DPP8: variants seen among roughly 807,000 people sequenced by gnomAD.
The protein encoded by DPP8 is DPP VIII.
Under a neutral mutation model 107.5 loss-of-function variants are expected in DPP8, and 31 were observed. The ratio of observed to expected loss-of-function variants is 0.29; its 90% CI spans 0.22 to 0.39. The LOEUF is 0.39. DPP8 is among the 10% of genes least tolerant of loss of function. DPP8 has a pLI of 1.00. For missense variants in DPP8, 842 were observed against 1,076.1 expected, an observed-to-expected ratio of 0.78 and a Z score of 3.04; for synonymous variants, 381 against 356.6, an observed-to-expected ratio of 1.07 and a Z score of -0.77.
chr15:65,447,107 G>A (rs1017130905), intron 19 of DPP8, 101 bp from the exon 20 acceptor site: 16 of 834,908 alleles, frequency 1.9e-5, no homozygotes, highest in South Asian at 5.7e-5. Flanking sequence ...TTAATAATAC[G>A]AAGCACAGCC....
chr15:65,499,105 G>GTGTC (rs1555468189), intron 4 of DPP8, among the ~76,000 whole-genome samples: 2 of 138,742 alleles, frequency 1.4e-5, no homozygotes, highest in African/African-American at 5.3e-5. Flanking sequence ...GTGTGTGTGT[G>GTGTC]TATATATAAA....
At chr15:65,493,608 T>G (rs2140929277) in intron 5 of DPP8, among the ~76,000 whole-genome samples, 1 of 152,250 alleles carries the variant, frequency 6.6e-6, no homozygotes, top group East Asian at 1.9e-4. Flanking sequence ...TAAGCTCAGT[T>G]TTCAAAGTGT....
In DPP8 at chr15:65,497,869, T is replaced by C. The variant is rs1340288752; in HGVS notation, c.710A>G (p.His237Arg). 2.0e-6 allele frequency: 3 copies of C among 1,522,756 alleles called. No homozygotes were observed. The highest frequency in any genetic ancestry group is 2.7e-6 in the Non-Finnish European group (3 of 1,124,924). 94.3% of individuals were successfully genotyped at this position (1,522,756 alleles called of 1,614,324 possible). A position where few individuals can be genotyped will look rare whatever the true frequency, so the allele number is the denominator to read the frequency against. ...TREERRLTYV[H>R]NELANMEEDA... is the part of the protein sequence containing the mutation. ...TCTGAAGAACTACGCCTTACCATTG[T>C]GCACATAAGTGAGTCTCCTTTCTTC... Residue 237 changes from histidine (H) to arginine (R), a missense_variant, in exon 5 of 20, where the codon CAC becomes CGC. By Grantham distance (29) the His-to-Arg change is conservative. Transcript: ENST00000300141.
At position 65,451,020 on chromosome 15, in the gene DPP8, A is replaced by G. The variant is rs751334174; in HGVS notation, c.2505T>C (p.Ala835=). ...TCACCTGTAAATCATATGGCTTTCCAGCCCTCACTAAAAAACTCAGTAATA... is the reference window on the plus strand; with the variant it reads ...TCACCTGTAAATCATATGGCTTTCCGGCCCTCACTAAAAAACTCAGTAATA... ...TSILLSFLVR[A]GKPYDLQIYP... The change falls in exon 19 of 20, where the codon GCT becomes GCC. Residue 835 remains alanine (A), a synonymous_variant. Coordinates refer to ENST00000300141, the MANE Select transcript of DPP8 (RefSeq NM_130434.5). 3 of 1,602,288 alleles carry G rather than the reference A, an allele frequency of 1.9e-6. No individual in the cohort carries two copies. The highest frequency in any genetic ancestry group is 4.5e-5 in the East Asian group (2 of 44,734).
Position 65,454,297 on chromosome 15 carries a change from A to G in DPP8, c.2237T>C (p.Leu746Pro). 1 of 1,576,026 alleles carries G rather than the reference A, an allele frequency of 6.3e-7. No individual in the cohort carries two copies. The highest frequency in any genetic ancestry group is 8.6e-7 in the Non-Finnish European group (1 of 1,167,768). The change falls in exon 17 of 20, where the codon CTG (leucine) becomes CCG (proline). Residue 746 changes from leucine to proline, a missense_variant. Leu to Pro is a moderately conservative substitution (Grantham distance 98). Around this residue, in one of 2 missense-constraint regions of DPP8, gnomAD observed 179 missense variants for 318.0 expected, o/e 0.56. Transcript: ENST00000300141. ...ATCTGACCTCTGCATTAATGCCATC[A>G]GGGAGAGGTATCCTCCATAGGACCA... is the stretch of plus-strand genomic sequence containing the variant. The part of the protein sequence containing the change: ...HGWSYGGYLS[L>P]MALMQRSDIF...
At chr15:65,493,966 C>G (rs1035661585) in intron 5 of DPP8, among the ~76,000 whole-genome samples, 2 of 151,928 alleles carry the variant, frequency 1.3e-5, no homozygotes, top group African/African-American at 4.8e-5. Context: ...TACTATGTTT[C>G]AGGCACTATC....
intron 3 of DPP8, among the ~76,000 whole-genome samples, chr15:65,505,906 C>T (rs935964767): frequency 2.0e-5 from 3 of 146,888 alleles, no homozygotes; most frequent in South Asian, 2.1e-4. Context: ...GCCAAGATTG[C>T]GCCACTGCGC....
chr15:65,508,725 G>T (rs1436966777), intron 2 of DPP8, among the ~76,000 whole-genome samples: 1 of 151,986 alleles, frequency 6.6e-6, no homozygotes, highest in African/African-American at 2.4e-5. Context: ...GGTGGCACAT[G>T]CCTGTAATCC....
chr15:65,477,622 C>T (rs1035674340), intron 11 of DPP8, among the ~76,000 whole-genome samples: 3 of 149,762 alleles, frequency 2.0e-5, no homozygotes, highest in African/African-American at 4.9e-5. Context: ...CTCTGCCTCC[C>T]GGGTTCACGC....
Position 65,507,332 on chromosome 15 carries a change from T to C in DPP8, c.283A>G (p.Asn95Asp). The change falls in exon 3 of 20, where the codon AAT (asparagine) becomes GAT (aspartate). Residue 95 changes from asparagine to aspartate, a missense_variant. This residue lies in a region of DPP8 where 663 missense variants were observed against 758.0 expected (regional missense o/e 0.87). Coordinates refer to ENST00000300141, the MANE Select transcript of DPP8 (RefSeq NM_130434.5). ...GGAATTTCAGAATAAAACAGTGTAT[T>C]TTCTCTGTTCTCACCAGACATGGCT... Reference protein sequence around the residue: ...YLAMSGENRENTLFYSEIPKT... With the variant: ...YLAMSGENREDTLFYSEIPKT... 6.2e-7 allele frequency: 1 copy of C among 1,609,054 alleles called. No homozygotes were observed. The highest frequency in any genetic ancestry group is 8.5e-7 in the Non-Finnish European group (1 of 1,175,856).
chr15:65,494,217 AATT>A (rs1363516568), intron 5 of DPP8, among the ~76,000 whole-genome samples: 2 of 136,838 alleles, frequency 1.5e-5, no homozygotes, highest in Admixed American at 1.6e-4. Context: ...GCAGTGGTGC[AATT>A]ATAGCTCACT....
chr15:65,487,628 CAGAA>C (rs2067572370), intron 7 of DPP8, 58 bp downstream of exon 7: 2 of 1,533,176 alleles, frequency 1.3e-6, no homozygotes, highest in Admixed American at 3.9e-5. Flanking sequence ...TGGATGACTA[CAGAA>C]AGAATCTTAT....
chr15:65,504,662 C>T (rs374563638), intron 3 of DPP8, among the ~76,000 whole-genome samples: 915 of 70,106 alleles, frequency 0.013, 13 homozygotes, highest in African/African-American at 0.059. Flanking sequence ...AGCAAGATTC[C>T]GTCTCAAAAA....
intron 14 of DPP8, among the ~76,000 whole-genome samples, chr15:65,464,304 A>G (rs1463521709): frequency 6.6e-6 from 1 of 152,096 alleles, no homozygotes; most frequent in African/African-American, 2.4e-5. Flanking sequence ...TGGAGCTTGC[A>G]GTGAGCTGAG....
At chr15:65,497,319 A>C (rs1351309217) in intron 5 of DPP8, among the ~76,000 whole-genome samples, 2 of 152,158 alleles carry the variant, frequency 1.3e-5, no homozygotes, top group Non-Finnish European at 2.9e-5. Context: ...CCCAGGTTGG[A>C]GCGCAATGGC....
At chr15:65,451,930 A>T (rs1332499992) in intron 18 of DPP8, 30 bp downstream of exon 18, 24 of 128,708 alleles carry the variant, frequency 1.9e-4, no homozygotes, top group Middle Eastern at 3.2e-3. Flanking sequence ...GTCTCAATTT[A>T]AAAAAAAAAA....
intron 6 of DPP8, among the ~76,000 whole-genome samples, chr15:65,488,142 A>G (rs2067620517): frequency 6.6e-6 from 1 of 152,202 alleles, no homozygotes; most frequent in African/African-American, 2.4e-5. Flanking sequence ...TACATGTATA[A>G]TATTTCCTAT....
chr15:65,474,820 T>C (rs1439171788), intron 11 of DPP8, among the ~76,000 whole-genome samples: 2 of 152,288 alleles, frequency 1.3e-5, no homozygotes, highest in Admixed American at 6.5e-5. Context: ...AAAAAAAGTC[T>C]ACAGTTAAAA....
intron 12 of DPP8, among the ~76,000 whole-genome samples, chr15:65,471,861 G>C (rs2065927033): frequency 6.6e-6 from 1 of 152,088 alleles, no homozygotes; most frequent in South Asian, 2.1e-4. Context: ...AATCACTTTA[G>C]AGACTACAAG....
Sources: allele counts gnomAD v4.1 joint callset (sites outside exome capture counted in the v4.1 genomes callset), GRCh38; gene constraint gnomAD v4.1.1; regional missense constraint gnomAD v4.1.1; transcripts MANE v1.5; gene names NCBI Gene and HGNC (gene_info 2026-07-23, HGNC 2026-07-21).